The following MBOAT7 variants were observed in gnomAD, a reference collection of about 807,000 sequenced individuals.
MBOAT7 encodes membrane bound acylglycerophosphatidylinositol O-acyltransferase MBOAT7.
Under a neutral mutation model 47.4 loss-of-function variants are expected in MBOAT7, and 40 were observed. That is an observed-to-expected ratio of 0.84 (90% CI 0.66 to 1.10). MBOAT7 has a LOEUF of 1.10. Among genes scored for constraint, MBOAT7 ranks in the 50% least tolerant of loss-of-function variants. The pLI is 0.00. For synonymous variants in MBOAT7, 361 were observed against 292.0 expected (o/e 1.24, Z -2.41); for missense variants, 680 against 655.6 (o/e 1.04, Z -0.41).
intron 7 of MBOAT7, among the ~76,000 whole-genome samples, chr19:54,175,263 A>C (rs570369924): frequency 6.6e-5 from 10 of 152,220 alleles, no homozygotes; most frequent in Middle Eastern, 6.8e-3. Context: ...CAGGTGTCAG[A>C]CACCACACCC....
In MBOAT7 at chr19:54,183,501, GT is replaced by G; in HGVS notation, c.493+19del. 1 of 1,603,506 alleles carries G rather than the reference GT, an allele frequency of 6.2e-7. No individual in the cohort carries two copies. Among genetic ancestry groups the G allele is most frequent in the Non-Finnish European group, 8.5e-7 (1 of 1,175,466 alleles). On this transcript the variant is annotated intron_variant, in intron 5 of 7. Coordinates refer to ENST00000245615, the MANE Select transcript of MBOAT7 (RefSeq NM_024298.5). ...ACACAGGAGACAGAGCGGCAGAGTTGTTAGGGCAGCCCCACTCACCTGTCAT... is the reference window on the plus strand; with the variant it reads ...ACACAGGAGACAGAGCGGCAGAGTTGTAGGGCAGCCCCACTCACCTGTCAT...
In MBOAT7 at chr19:54,177,653, C is replaced by G. The variant is rs147601711; in HGVS notation, c.1031+1112G>C. ...TGTTGCCCAGGTGACCTTGGCTCACCGCAACCTCCGCCTCCCGGGTTCAAG... is the reference window on the plus strand; with the variant it reads ...TGTTGCCCAGGTGACCTTGGCTCACGGCAACCTCCGCCTCCCGGGTTCAAG... On this transcript the variant is annotated intron_variant, in intron 7 of 7. Coordinates refer to ENST00000245615, the MANE Select transcript of MBOAT7 (RefSeq NM_024298.5). Among the ~76,000 whole-genome samples the G allele has an allele frequency of 6.3e-3, 948 of 149,816 alleles. 2 individuals are homozygous for G. Among genetic ancestry groups the G allele is most frequent in the African/African-American group, 0.019 (764 of 40,602 alleles).
chr19:54,181,474 G>A (rs935744908), intron 5 of MBOAT7, among the ~76,000 whole-genome samples: 1 of 151,420 alleles, frequency 6.6e-6, no homozygotes, highest in Non-Finnish European at 1.5e-5. Flanking sequence ...TGGGCAAAAC[G>A]GCAAGACCCC....
At chr19:54,175,124 T>G (rs57171876) in intron 7 of MBOAT7, among the ~76,000 whole-genome samples, 1 of 151,778 alleles carries the variant, frequency 6.6e-6, no homozygotes, top group African/African-American at 2.4e-5. Context: ...TACAGGCGCC[T>G]GCCACCACGC....
intron 7 of MBOAT7, chr19:54,178,523 A>G (rs947969220): frequency 1.4e-6 from 2 of 1,418,524 alleles, no homozygotes; most frequent in African/African-American, 1.4e-5. Context: ...GACTCAGTAC[A>G]TTGCTTCTGC....
intron 7 of MBOAT7, among the ~76,000 whole-genome samples, chr19:54,177,953 C>G (rs1222337693): frequency 7.7e-6 from 1 of 130,550 alleles, no homozygotes; most frequent in African/African-American, 2.9e-5. Flanking sequence ...CGCTGTCGCC[C>G]AGGCTGGAGT....
chr19:54,181,348 A>G (rs907222988), intron 5 of MBOAT7, among the ~76,000 whole-genome samples: 1 of 151,906 alleles, frequency 6.6e-6, no homozygotes, highest in Non-Finnish European at 1.5e-5. Flanking sequence ...AGAGAGACAG[A>G]GACAGTAACA....
chr19:54,179,353 A>G (rs2076204433), intron 6 of MBOAT7: 1 of 210,694 alleles, frequency 4.7e-6, no homozygotes, highest in Non-Finnish European at 9.6e-6. Flanking sequence ...CCCTAATAAC[A>G]AGGTGCTTCA....
At chr19:54,184,441 T>C (rs1370307638) in intron 4 of MBOAT7, among the ~76,000 whole-genome samples, 1 of 152,076 alleles carries the variant, frequency 6.6e-6, no homozygotes, top group Non-Finnish European at 1.5e-5. Context: ...CCTATATCAA[T>C]AGATCTCCTT....
chr19:54,177,894 ACTTCTG>A (rs1184924256), intron 7 of MBOAT7, among the ~76,000 whole-genome samples: 3 of 91,858 alleles, frequency 3.3e-5, no homozygotes, highest in African/African-American at 1.2e-4. Context: ...TATGAGTTCT[ACTTCTG>A]TTTTTTTTTT....
At chr19:54,178,496 G>A (rs75110244) in intron 7 of MBOAT7, 41,642 of 1,344,406 alleles carry the variant, frequency 0.031, 774 homozygotes, top group Non-Finnish European at 0.036. Flanking sequence ...CAGGAAGGCT[G>A]GCTATTGAGT....
In MBOAT7 at chr19:54,178,930, G is replaced by A. The variant is rs543413097; in HGVS notation, c.866C>T (p.Ala289Val). The A allele has an allele frequency of 1.4e-5, 22 of 1,612,848 alleles. No homozygotes were observed. The highest frequency in any genetic ancestry group is 5.3e-5 in the African/African-American group (4 of 75,046). ...QCPPPSSPEK[A>V]ASLEYDYETI... ...CTCATAGTCATACTCCAAGGAAGCCGCCTTCTCCGGACTGGGGGGTGGAGG... is the reference window on the plus strand; with the variant it reads ...CTCATAGTCATACTCCAAGGAAGCCACCTTCTCCGGACTGGGGGGTGGAGG... Residue 289 changes from alanine (A) to valine (V), a missense_variant, in exon 7 of 8, where the codon GCG becomes GTG. Transcript: ENST00000245615.
chr19:54,178,975 A>G (rs377421538), intron 6 of MBOAT7, 34 bp from the exon 7 acceptor site: 1 of 1,606,900 alleles, frequency 6.2e-7, no homozygotes, highest in Non-Finnish European at 8.5e-7. Flanking sequence ...GGGGACAGAC[A>G]TGCAGCTCAG....
At chr19:54,176,444 G>A (rs1463595158) in intron 7 of MBOAT7, among the ~76,000 whole-genome samples, 1 of 152,002 alleles carries the variant, frequency 6.6e-6, no homozygotes, top group Non-Finnish European at 1.5e-5. Context: ...TATAATCCCA[G>A]CTACTAGGGG....
chr19:54,174,140 C>G lies in MBOAT7; in HGVS notation c.1323G>C (p.Leu441=). ...FCIHFLALAA[L]GLGLALGGGS... ...CCCCACCTAAAGCCAGCCCCAGCCC[C>G]AGGGCTGCCAGGGCCAGGAAGTGGA... Residue 441 remains leucine, a synonymous_variant, in exon 8 of 8, where the codon CTG becomes CTC. Transcript: ENST00000245615. 1 of 1,599,008 alleles carries G rather than the reference C, an allele frequency of 6.3e-7. No homozygotes were observed. The highest frequency in any genetic ancestry group is 8.5e-7 in the Non-Finnish European group (1 of 1,173,534).
intron 4 of MBOAT7, chr19:54,186,839 C>A: frequency 2.9e-6 from 1 of 347,242 alleles, no homozygotes; most frequent in Non-Finnish European, 5.3e-6. Flanking sequence ...TTCTCCTTTG[C>A]AAAATAGCTG....
intron 5 of MBOAT7, among the ~76,000 whole-genome samples, chr19:54,181,717 GGGAA>G (rs1196846834): frequency 1.0e-4 from 6 of 59,580 alleles, no homozygotes; most frequent in African/African-American, 7.3e-5. Flanking sequence ...GAAGAAGGGA[GGGAA>G]GGAGGGAAGG....
chr19:54,173,894 T>C lies in MBOAT7; in HGVS notation c.*150A>G. The stretch of plus-strand genomic sequence containing the variant: ...AGAGGGCAGGGAGGACACCCCCGGG[T>C]CTGCTTCAGTTGCAGGCAGGGTATT... On this transcript the variant is annotated 3_prime_UTR_variant, in exon 8 of 8. Coordinates refer to ENST00000245615, the MANE Select transcript of MBOAT7 (RefSeq NM_024298.5). The C allele has an allele frequency of 1.1e-6, 1 of 949,986 alleles. No homozygotes were observed. Among genetic ancestry groups the C allele is most frequent in the Non-Finnish European group, 1.5e-6 (1 of 665,368 alleles). The allele number at this position is 949,986 out of a possible 1,614,324, so 58.8% of individuals were successfully genotyped here. A position where few individuals can be genotyped will look rare whatever the true frequency, so the allele number is the denominator to read the frequency against.
Position 54,180,818 on chromosome 19 carries a change from G to A in MBOAT7, c.809C>T (p.Ala270Val). The change falls in exon 6 of 8, where the codon GCC (alanine) becomes GTC (valine). Residue 270 changes from alanine (A) to valine (V), a missense_variant. By Grantham distance (64) the Ala-to-Val change is moderately conservative. Transcript: ENST00000245615. The surrounding 1 kb of genome is among the most constrained non-coding windows in gnomAD (Gnocchi z 5.2). The stretch of plus-strand genomic sequence containing the variant: ...GAGGGTGGGGCCGCCTCCGGCCCGG[G>A]CTTTGGCGGCCACGGGGTAGGCCCC... ...GFGAYPVAAK[A>V]RAGGGPTLQC... is the part of the protein sequence containing the mutation. 1 of 1,566,504 alleles carries A rather than the reference G, an allele frequency of 6.4e-7. No homozygotes were observed. Among genetic ancestry groups the A allele is most frequent in the Non-Finnish European group, 8.6e-7 (1 of 1,160,284 alleles).
Sources: allele counts gnomAD v4.1 joint callset (sites outside exome capture counted in the v4.1 genomes callset), GRCh38; gene constraint gnomAD v4.1.1; non-coding constraint Gnocchi (gnomAD v3.1); transcripts MANE v1.5; gene names NCBI Gene and HGNC (gene_info 2026-07-23, HGNC 2026-07-21).